SNRPN: variants seen among roughly 807,000 people sequenced by gnomAD.
The protein encoded by SNRPN is small nuclear ribonucleoprotein-associated protein N.
In SNRPN, 7 loss-of-function variants were observed where a neutral mutation model predicts 25.2. That is an observed-to-expected ratio of 0.28 (90% CI 0.16 to 0.52). The LOEUF is 0.52. SNRPN is among the 20% of genes least tolerant of loss of function. The pLI is 0.96. For synonymous variants in SNRPN, 124 were observed against 110.6 expected (o/e 1.12, Z -0.76); for missense variants, 196 against 322.5 (o/e 0.61, Z 3.00).
intron 1 of SNRPN, among the ~76,000 whole-genome samples, chr15:24,863,905 C>A (rs966676969): frequency 1.3e-5 from 2 of 150,824 alleles, no homozygotes; most frequent in African/African-American, 2.5e-5. Flanking sequence ...TCTCTCTTTT[C>A]TCCTGCTTAC....
intron 2 of SNRPN, chr15:24,909,302 G>A: frequency 1.2e-6 from 2 of 1,603,300 alleles, no homozygotes; most frequent in Admixed American, 3.3e-5. Flanking sequence ...GGTACTGTGA[G>A]GGATAGACAA....
chr15:24,871,305 T>C (rs2055100711), intron 1 of SNRPN, among the ~76,000 whole-genome samples: 1 of 152,018 alleles, frequency 6.6e-6, no homozygotes, highest in South Asian at 2.1e-4. Context: ...TTTATTACCC[T>C]AAAGAAATTC....
chr15:24,846,742 T>C (rs1377407735), intron 2 of SNRPN, among the ~76,000 whole-genome samples: 1 of 152,190 alleles, frequency 6.6e-6, no homozygotes, highest in Non-Finnish European at 1.5e-5. Context: ...TGAAGGAAGT[T>C]AGAAATCTAT....
intron 2 of SNRPN, among the ~76,000 whole-genome samples, chr15:24,833,367 A>T (rs11638404): frequency 0.57 from 86,149 of 151,724 alleles, 24,817 homozygotes; most frequent in East Asian, 0.83. Flanking sequence ...AAATTTTTCA[A>T]TTCTGTGTTT....
At chr15:24,889,115 A>G (rs901906529) in intron 2 of SNRPN, among the ~76,000 whole-genome samples, 4 of 151,802 alleles carry the variant, frequency 2.6e-5, no homozygotes, top group Non-Finnish European at 5.9e-5. Context: ...ACAGGGTTTC[A>G]CCATGTTGGC....
chr15:24,826,285 T>C (rs1191860617), intron 1 of SNRPN, among the ~76,000 whole-genome samples: 1 of 152,098 alleles, frequency 6.6e-6, no homozygotes, highest in Non-Finnish European at 1.5e-5. Flanking sequence ...GCAAACCTGT[T>C]CTTTCAGACC....
At chr15:24,914,795 C>T (rs2059418442) in intron 2 of SNRPN, among the ~76,000 whole-genome samples, 1 of 152,000 alleles carries the variant, frequency 6.6e-6, no homozygotes, top group South Asian at 2.1e-4. Context: ...GTAAAGAAAA[C>T]TTTATTCAGG....
intron 2 of SNRPN, among the ~76,000 whole-genome samples, chr15:24,910,249 C>T (rs2059125535): frequency 6.6e-6 from 1 of 152,104 alleles, no homozygotes; most frequent in African/African-American, 2.4e-5. Context: ...GCCAAGTTTT[C>T]AGGGTACTGC....
intron 3 of SNRPN, among the ~76,000 whole-genome samples, chr15:24,946,988 A>C (rs1254015343): frequency 6.6e-6 from 1 of 152,102 alleles, no homozygotes; most frequent in African/African-American, 2.4e-5. Flanking sequence ...TATTACATTG[A>C]ATTTCTGCTT....
intron 1 of SNRPN, among the ~76,000 whole-genome samples, chr15:24,958,485 A>G (rs1211817642): frequency 1.4e-5 from 1 of 69,890 alleles, no homozygotes; most frequent in African/African-American, 4.4e-5. Context: ...GCTGGCTCAA[A>G]GTTTTTTTTT....
At chr15:24,970,806 G>C (rs909117136) in intron 3 of SNRPN, among the ~76,000 whole-genome samples, 1 of 152,088 alleles carries the variant, frequency 6.6e-6, no homozygotes, top group Non-Finnish European at 1.5e-5. Context: ...TTGTATTCTG[G>C]TGTTTTTTTG....
intron 1 of SNRPN, among the ~76,000 whole-genome samples, chr15:24,960,735 AT>A (rs1323039613): frequency 6.6e-6 from 1 of 152,128 alleles, no homozygotes; most frequent in Admixed American, 6.6e-5. Flanking sequence ...TTGCCCTTTT[AT>A]TGTTGAGTTG....
chr15:24,948,066 A>G (rs1029467641), intron 3 of SNRPN, among the ~76,000 whole-genome samples: 1 of 151,986 alleles, frequency 6.6e-6, no homozygotes, highest in Non-Finnish European at 1.5e-5. Context: ...GTGTTTCACA[A>G]TGTAATCGAA....
intron 3 of SNRPN, chr15:24,920,153 C>T (rs1292222327): frequency 1.3e-5 from 2 of 152,102 alleles, no homozygotes; most frequent in African/African-American, 4.8e-5. Context: ...TATCTCCAGC[C>T]TCTTCCTCCT....
intron 1 of SNRPN, among the ~76,000 whole-genome samples, chr15:24,875,354 C>A (rs747899539): frequency 6.6e-6 from 1 of 152,162 alleles, no homozygotes; most frequent in Non-Finnish European, 1.5e-5. Flanking sequence ...GTTAGAATAT[C>A]TTTTCTATGA....
chr15:24,924,381 G>GTCTAC (rs2060247772), intron 3 of SNRPN, among the ~76,000 whole-genome samples: 2 of 151,976 alleles, frequency 1.3e-5, no homozygotes, highest in African/African-American at 2.4e-5. Context: ...TGTTATCAAG[G>GTCTAC]TCTACTCTCC....
intron 2 of SNRPN, chr15:24,848,956 G>A (rs908479328): frequency 6.6e-6 from 1 of 151,956 alleles, no homozygotes; most frequent in Non-Finnish European, 1.5e-5. Flanking sequence ...CACCAGGCTG[G>A]AGTGCAGTGG....
At chr15:24,943,967 G>C (rs375123274) in intron 3 of SNRPN, among the ~76,000 whole-genome samples, 2 of 151,984 alleles carry the variant, frequency 1.3e-5, no homozygotes, top group African/African-American at 4.8e-5. Context: ...GATTACAGGG[G>C]TGCACTACCA....
chr15:24,925,852 T>C (rs1028719209), intron 3 of SNRPN, among the ~76,000 whole-genome samples: 3 of 151,942 alleles, frequency 2.0e-5, no homozygotes, highest in Non-Finnish European at 4.4e-5. Flanking sequence ...CGCCATTCTC[T>C]GGCCTCAGCC....
Sources: gnomAD v4.1 joint callset for allele counts (sites outside exome capture counted in the v4.1 genomes callset) on GRCh38, gnomAD v4.1.1 for gene constraint, MANE v1.5 for transcripts, NCBI Gene and HGNC (gene_info 2026-07-23, HGNC 2026-07-21) for gene names.